The following CELF2 variants were observed in gnomAD, a reference collection of about 807,000 sequenced individuals.
The protein encoded by CELF2 is CUG triplet repeat RNA-binding protein 2.
In CELF2, 8 loss-of-function variants were observed where a neutral mutation model predicts 62.6. The observed-to-expected ratio is 0.13, with a 90% confidence interval of 0.07 to 0.23. The LOEUF is 0.23. CELF2 is among the 10% of genes least tolerant of loss of function. The pLI is 1.00. For missense variants in CELF2, 333 were observed against 671.0 expected (o/e 0.50, Z 5.56); for synonymous variants, 258 against 250.0 (o/e 1.03, Z -0.30).
intron 3 of CELF2, among the ~76,000 whole-genome samples, chr10:11,232,590 G>GT (rs1382587834): frequency 6.6e-6 from 1 of 152,198 alleles, no homozygotes. Context: ...TGCTGAAGAT[G>GT]TTTGAGTTCT....
At chr10:10,881,746 TC>T (rs2061449126) in intron 1 of CELF2, among the ~76,000 whole-genome samples, 1 of 117,534 alleles carries the variant, frequency 8.5e-6, no homozygotes, top group African/African-American at 2.7e-5. Context: ...GCTGCTAGAA[TC>T]CCTTTTTTTC....
the CELF2 span, among the ~76,000 whole-genome samples, chr10:10,515,596 A>C: frequency 6.6e-6 from 1 of 152,292 alleles, no homozygotes; most frequent in South Asian, 2.1e-4. Flanking sequence ...ACTCACTGAT[A>C]CTCTGTTATT....
At chr10:11,188,227 T>C (rs1307393438) in intron 2 of CELF2, among the ~76,000 whole-genome samples, 5 of 152,206 alleles carry the variant, frequency 3.3e-5, no homozygotes, top group Non-Finnish European at 5.9e-5. Flanking sequence ...TGCCTCAGCC[T>C]CCCAAGTAGC....
the CELF2 span, among the ~76,000 whole-genome samples, chr10:10,612,124 T>C: frequency 6.6e-6 from 1 of 152,270 alleles, no homozygotes; most frequent in African/African-American, 2.4e-5. Flanking sequence ...CATAGAAGTA[T>C]GACAGTGGCT....
the CELF2 span, among the ~76,000 whole-genome samples, chr10:10,694,884 T>C: frequency 6.6e-6 from 1 of 151,334 alleles, no homozygotes; most frequent in Non-Finnish European, 1.5e-5. Context: ...CCTCCATCCT[T>C]TTATTTTGAG....
chr10:10,929,981 A>G (rs1030053479), intron 2 of CELF2, among the ~76,000 whole-genome samples: 4 of 152,268 alleles, frequency 2.6e-5, no homozygotes, highest in African/African-American at 7.2e-5. Flanking sequence ...AAGGAAGTAT[A>G]TATGCAAATA....
At chr10:11,018,788 G>A (rs1289924937) in intron 1 of CELF2, 1 of 152,310 alleles carries the variant, frequency 6.6e-6, no homozygotes, top group Admixed American at 6.5e-5. Flanking sequence ...CGGAGCTCTG[G>A]TGGCCGGGGG....
At chr10:11,037,997 A>G (rs531006994) in intron 1 of CELF2, among the ~76,000 whole-genome samples, 1 of 152,106 alleles carries the variant, frequency 6.6e-6, no homozygotes, top group Non-Finnish European at 1.5e-5. Context: ...TGATTTTAGT[A>G]TGTAGTTTCT....
intron 1 of CELF2, among the ~76,000 whole-genome samples, chr10:10,866,529 C>T (rs1189805122): frequency 2.0e-5 from 3 of 148,452 alleles, no homozygotes; most frequent in African/African-American, 5.0e-5. Flanking sequence ...CGCTTGAACC[C>T]GAGAGGTGGA....
the CELF2 span, among the ~76,000 whole-genome samples, chr10:10,537,136 C>A: frequency 1.8e-4 from 27 of 152,200 alleles, no homozygotes; most frequent in Admixed American, 1.2e-3. Context: ...CTTCCTCCAG[C>A]CTGGAAGTCT....
rs2093845632 is a variant in CELF2, at chr10:11,302,404, G to GA, written c.977-11735_977-11734insA. On this transcript the variant is annotated intron_variant, in intron 9 of 12. Coordinates refer to ENST00000633077, the MANE Select transcript of CELF2 (RefSeq NM_001326342.2). This position sits in a 1 kb window ranked among gnomAD's most constrained non-coding sequence, Gnocchi z 5.0. ...AACCAGAGCGTCTGACTCAGCGGGA[G>GA]TGAGGGGAGCCCCAGGTGGTGCCGA... Among the ~76,000 whole-genome samples, 1 of 152,232 alleles carries GA rather than the reference G, an allele frequency of 6.6e-6. No individual in the cohort carries two copies. The highest frequency in any genetic ancestry group is 2.4e-5 in the African/African-American group (1 of 41,458).
the CELF2 span, among the ~76,000 whole-genome samples, chr10:10,472,988 T>G: frequency 3.3e-5 from 5 of 152,038 alleles, no homozygotes; most frequent in African/African-American, 1.2e-4. Flanking sequence ...ATCTCATTTC[T>G]GACACTGCGA....
At chr10:10,924,800 A>T (rs147731423) in intron 2 of CELF2, among the ~76,000 whole-genome samples, 31 of 137,662 alleles carry the variant, frequency 2.3e-4, no homozygotes, top group African/African-American at 8.1e-4. Flanking sequence ...GGAACCCCCA[A>T]TACCTAGAAC....
At chr10:10,792,188 A>G in the CELF2 span, among the ~76,000 whole-genome samples, 6 of 152,194 alleles carry the variant, frequency 3.9e-5, no homozygotes, top group Non-Finnish European at 5.9e-5. Context: ...TTGCTCAACA[A>G]ATGCTTTCTG....
rs2094572517 is a variant in CELF2, at chr10:11,311,737, G to A, written c.977-2402G>A. Among the ~76,000 whole-genome samples, 1 of 152,104 alleles carries A rather than the reference G, an allele frequency of 6.6e-6. No homozygotes were observed. The highest frequency in any genetic ancestry group is 6.5e-5 in the Admixed American group (1 of 15,278). ...ATTACATACAATTGAAAGAGAATGTGGTGAGCTGGAACACAGATTTTGGAG... is the reference window on the plus strand; with the variant it reads ...ATTACATACAATTGAAAGAGAATGTAGTGAGCTGGAACACAGATTTTGGAG... On this transcript the variant is annotated intron_variant, in intron 9 of 12. Transcript: ENST00000633077. This position sits in a 1 kb window ranked among gnomAD's most constrained non-coding sequence, Gnocchi z 4.7.
At chr10:11,307,410 A>G (rs1319297169) in intron 9 of CELF2, among the ~76,000 whole-genome samples, 1 of 152,240 alleles carries the variant, frequency 6.6e-6, no homozygotes, top group Non-Finnish European at 1.5e-5. Context: ...CTGTGCAGTC[A>G]TCAACAGTTG....
the CELF2 span, among the ~76,000 whole-genome samples, chr10:10,660,804 G>T: frequency 6.6e-6 from 1 of 152,136 alleles, no homozygotes; most frequent in Non-Finnish European, 1.5e-5. Context: ...AAGGAACCTG[G>T]AGAATCAACA....
At chr10:10,540,680 G>T in the CELF2 span, among the ~76,000 whole-genome samples, 2 of 152,124 alleles carry the variant, frequency 1.3e-5, no homozygotes, top group African/African-American at 4.8e-5. Context: ...CATCTGTGCA[G>T]GGAGTCCTGG....
chr10:10,762,369 T>C, the CELF2 span, among the ~76,000 whole-genome samples: 1 of 152,126 alleles, frequency 6.6e-6, no homozygotes, highest in Non-Finnish European at 1.5e-5. Flanking sequence ...TTATGGATTG[T>C]GCTAGCAGAA....
Sources: gnomAD v4.1 joint callset for allele counts (sites outside exome capture counted in the v4.1 genomes callset) on GRCh38, gnomAD v4.1.1 for gene constraint, Gnocchi (gnomAD v3.1) non-coding constraint, MANE v1.5 for transcripts, NCBI Gene and HGNC (gene_info 2026-07-23, HGNC 2026-07-21) for gene names.